Variants in CTSB observed in about 807,000 individuals in gnomAD.
CTSB encodes cathepsin B.
Under a neutral mutation model 44.3 loss-of-function variants are expected in CTSB, and 57 were observed. The ratio of observed to expected loss-of-function variants is 1.29; its 90% CI spans 1.04 to 1.60. The LOEUF is 1.60. Ranked by LOEUF, CTSB falls within the 40% of genes most tolerant of loss-of-function variation. CTSB has a pLI of 0.00. For missense variants in CTSB, 768 were observed against 443.0 expected (o/e 1.73, Z -6.59); for synonymous variants, 320 against 168.0 (o/e 1.91, Z -7.00).
At chr8:11,851,971 C>G (rs1007555045) in intron 3 of CTSB, among the ~76,000 whole-genome samples, 8 of 152,172 alleles carry the variant, frequency 5.3e-5, no homozygotes, top group Non-Finnish European at 8.8e-5. Flanking sequence ...TTGGCCTCAT[C>G]TGGCTTTTCT....
chr8:11,847,871 A>AAGCCCCAGCTTGGCGAGGC (rs3215434), intron 6 of CTSB, 49 bp from the exon 7 acceptor site: 2 of 1,555,122 alleles, frequency 1.3e-6, no homozygotes, highest in Admixed American at 4.2e-5. Flanking sequence ...CCCCACGGAG[A>AAGCCCCAGCTTGGCGAGGC]AGACCTGGGG....
intron 1 of CTSB, chr8:11,867,542 G>A (rs141806376): frequency 6.6e-6 from 1 of 152,262 alleles, no homozygotes; most frequent in Non-Finnish European, 1.5e-5. Flanking sequence ...CAATGAGGGG[G>A]AAATAAACCG....
intron 1 of CTSB, among the ~76,000 whole-genome samples, chr8:11,864,137 A>C (rs981230970): frequency 3.3e-5 from 5 of 152,042 alleles, no homozygotes; most frequent in Admixed American, 1.3e-4. Context: ...AAGTCATATA[A>C]ACTTTAATAA....
rs1254458341 is a variant in CTSB at position 11,853,458 on chromosome 8, G to A, written c.-4C>T. On this transcript the variant is annotated 5_prime_UTR_variant, in exon 2 of 10. Coordinates refer to ENST00000353047, the MANE Select transcript of CTSB (RefSeq NM_001908.5). The stretch of plus-strand genomic sequence containing the variant: ...GGGAGGCCCAGAGCTGCCACATGTT[G>A]GAAGCCGGATCCTAGATCCACCTGG... 36 of 1,610,808 alleles carry A rather than the reference G, an allele frequency of 2.2e-5. No individual in the cohort carries two copies. Among genetic ancestry groups the A allele is most frequent in the Non-Finnish European group, 2.9e-5 (34 of 1,179,292 alleles).
In CTSB at chr8:11,845,714, C is replaced by A; in HGVS notation, c.869G>T (p.Gly290Val). 6.2e-7 allele frequency: 1 copy of A among 1,614,128 alleles called. No individual in the cohort carries two copies. Among genetic ancestry groups the A allele is most frequent in the Non-Finnish European group, 8.5e-7 (1 of 1,179,952 alleles). Reference sequence around the variant, plus strand: ...GTTGGCAACCAGCCAGTAGGGTGTGCCATTCTCCACTCCCCAGCCCAGGAT... The same window carrying A: ...GTTGGCAACCAGCCAGTAGGGTGTGACATTCTCCACTCCCCAGCCCAGGAT... ...IRILGWGVEN[G>V]TPYWLVANSW... The change falls in exon 9 of 10, where the codon GGC (glycine) becomes GTC (valine). Residue 290 changes from glycine (G) to valine (V), a missense_variant. Transcript: ENST00000353047.
intron 1 of CTSB, among the ~76,000 whole-genome samples, chr8:11,864,846 G>A (rs1296022): frequency 0.27 from 41,187 of 151,438 alleles, 5,966 homozygotes; most frequent in East Asian, 0.47. Context: ...CCTGGGAGGT[G>A]AGGTTGCAGT....
intron 1 of CTSB, chr8:11,861,234 G>A (rs1816366886): frequency 6.6e-6 from 1 of 152,448 alleles, no homozygotes; most frequent in Non-Finnish European, 1.5e-5. Flanking sequence ...TAGCCCCGAA[G>A]CAACTGAAAA....
intron 7 of CTSB, 108 bp downstream of exon 7, chr8:11,847,570 TC>T (rs1478989533): frequency 1.6e-6 from 2 of 1,248,472 alleles, no homozygotes; most frequent in South Asian, 1.7e-5. Context: ...ATCCTAGAGT[TC>T]CGGGACCCCA....
intron 4 of CTSB, chr8:11,849,885 T>A (rs1814234519): frequency 6.6e-6 from 1 of 152,192 alleles, no homozygotes; most frequent in Admixed American, 6.5e-5. Context: ...CTGGCTGTGT[T>A]TTTTTCTTAA....
At chr8:11,851,828 G>C (rs1028083629) in intron 3 of CTSB, among the ~76,000 whole-genome samples, 6 of 151,994 alleles carry the variant, frequency 3.9e-5, no homozygotes, top group Admixed American at 3.9e-4. Context: ...CACCACGCCT[G>C]GCAAAGTTTT....
rs565381742 is a variant in CTSB at position 11,848,726 on chromosome 8, A to T, written c.446+320T>A. 8.8e-4 allele frequency: 275 copies of T among 311,402 alleles called. 3 individuals carry two copies. Among genetic ancestry groups the T allele is most frequent in the African/African-American group, 5.6e-3 (261 of 46,994 alleles). The allele number at this position is 311,402 out of a possible 1,614,324, so 19.3% of individuals were successfully genotyped here. A position where few individuals can be genotyped will look rare whatever the true frequency, so the allele number is the denominator to read the frequency against. On this transcript the variant is annotated intron_variant, in intron 5 of 9. Coordinates refer to ENST00000353047, the MANE Select transcript of CTSB (RefSeq NM_001908.5). ...CTAACTACACATAAGGAAATGCCCC[A>T]AACTGGTTCCCCAAGCAGGAAAAAG...
intron 1 of CTSB, among the ~76,000 whole-genome samples, chr8:11,867,036 C>A (rs780890471): frequency 2.0e-5 from 3 of 152,202 alleles, no homozygotes; most frequent in Non-Finnish European, 4.4e-5. Flanking sequence ...GTCTCTCGTC[C>A]GTTAGGAGGA....
Position 11,853,437 on chromosome 8 carries a change from G to C in CTSB, c.18C>G (p.Ala6=), listed in dbSNP as rs138246733. The change falls in exon 2 of 10, where the codon GCC becomes GCG. Residue 6 remains alanine, a synonymous_variant. Transcript: ENST00000353047. MWQLW[A]SLCCLLVLAN... is the part of the protein sequence containing the mutation. ...CCAACACCAGCAGGCAGCAGAGGGA[G>C]GCCCAGAGCTGCCACATGTTGGAAG... 2.5e-4 allele frequency: 399 copies of C among 1,611,962 alleles called. No homozygotes were observed. The highest frequency in any genetic ancestry group is 3.2e-4 in the Non-Finnish European group (374 of 1,179,654).
intron 1 of CTSB, among the ~76,000 whole-genome samples, chr8:11,860,464 A>T (rs745477125): frequency 6.6e-5 from 10 of 152,122 alleles, no homozygotes; most frequent in Non-Finnish European, 1.5e-4. Context: ...TCTACTAAAA[A>T]TACAAAAAAT....
chr8:11,846,998 C>T (rs558853474), intron 8 of CTSB, 54 bp downstream of exon 8: 2 of 894,464 alleles, frequency 2.2e-6, no homozygotes, highest in African/African-American at 1.7e-5. Context: ...ATCCTGGCAC[C>T]CAGGCTCCCC....
In CTSB at chr8:11,843,545, C is replaced by G. The variant is rs116668999; in HGVS notation, c.*1580G>C. 6.6e-6 allele frequency: 1 copy of G among 152,194 alleles called. No individual in the cohort carries two copies. The highest frequency in any genetic ancestry group is 1.5e-5 in the Non-Finnish European group (1 of 68,048). 9.4% of individuals were successfully genotyped at this position (152,194 alleles called of 1,614,324 possible). A position where few individuals can be genotyped will look rare whatever the true frequency, so the allele number is the denominator to read the frequency against. On this transcript the variant is annotated 3_prime_UTR_variant, in exon 10 of 10. Transcript: ENST00000353047. ...TATGCAAAGCACTAGAGTTCCTGAC[C>G]AGCAATGCAAACCAGTGGCATACAA...
chr8:11,847,170 T>A lies in CTSB; in HGVS notation c.677-2A>T. ...TGGAGACGCTGTAGGAATTGTATCC[T>A]GGAAAATGAACCGAGCTCGGGGTTG... On this transcript the variant is annotated splice_acceptor_variant, in intron 7 of 9. Transcript: ENST00000353047. LOFTEE classifies it high-confidence loss of function. 1 of 1,598,790 alleles carries A rather than the reference T, an allele frequency of 6.3e-7. No individual in the cohort carries two copies. The highest frequency in any genetic ancestry group is 8.6e-7 in the Non-Finnish European group (1 of 1,166,514).
intron 3 of CTSB, among the ~76,000 whole-genome samples, chr8:11,851,224 G>A (rs988976626): frequency 5.3e-5 from 8 of 152,074 alleles, no homozygotes; most frequent in African/African-American, 1.9e-4. Context: ...GAATTTCACT[G>A]TGTCATCCAG....
rs74455364 is a variant in CTSB, at chr8:11,844,015, G to T, written c.*1110C>A. ...GCCACTGCACTCCAGCCTGGGAGAC[G>T]GAATCTCACTCTGTCAGTCACAACA... On this transcript the variant is annotated 3_prime_UTR_variant, in exon 10 of 10. Coordinates refer to ENST00000353047, the MANE Select transcript of CTSB (RefSeq NM_001908.5). 2 of 150,280 alleles carry T rather than the reference G, an allele frequency of 1.3e-5. No individual in the cohort carries two copies. The highest frequency in any genetic ancestry group is 2.9e-5 in the Non-Finnish European group (2 of 67,956). The allele number at this position is 150,280 out of a possible 1,614,324, so 9.3% of individuals were successfully genotyped here.
Sources: allele counts gnomAD v4.1 joint callset (sites outside exome capture counted in the v4.1 genomes callset), GRCh38; gene constraint gnomAD v4.1.1; transcripts MANE v1.5; gene names NCBI Gene and HGNC (gene_info 2026-07-23, HGNC 2026-07-21).